The following CNTNAP2 variants were observed in gnomAD, a reference collection of about 807,000 sequenced individuals.
CNTNAP2 encodes contactin associated protein 2, also known as contactin-associated protein-like 2.
A neutral mutation model predicts 155.2 loss-of-function variants in CNTNAP2; 98 were observed. The observed-to-expected ratio is 0.63, with a 90% CI of 0.54 to 0.75. The LOEUF is 0.75. Among genes scored for constraint, CNTNAP2 ranks in the 30% least tolerant of loss-of-function variants. The pLI is 0.00. For synonymous variants in CNTNAP2, 651 were observed against 631.2 expected, an observed-to-expected ratio of 1.03 and a Z score of -0.47; for missense variants, 1,727 against 1,688.1, an observed-to-expected ratio of 1.02 and a Z score of -0.40.
At chr7:146,840,581 A>G (rs917215067) in intron 3 of CNTNAP2, among the ~76,000 whole-genome samples, 1 of 152,124 alleles carries the variant, frequency 6.6e-6, no homozygotes, top group Non-Finnish European at 1.5e-5. Context: ...ATCAATATTA[A>G]ACCAGAAGAA....
chr7:147,970,587 C>T (rs1801315795), intron 14 of CNTNAP2, among the ~76,000 whole-genome samples: 1 of 152,036 alleles, frequency 6.6e-6, no homozygotes, highest in Admixed American at 6.6e-5. Context: ...AAAAGAGATA[C>T]AAAGATTTAG....
At chr7:147,183,562 A>AGTGTGT (rs112187548) in intron 8 of CNTNAP2, among the ~76,000 whole-genome samples, 10,895 of 151,326 alleles carry the variant, frequency 0.072, 465 homozygotes, top group Non-Finnish European at 0.1. Context: ...TTGTTAAATA[A>AGTGTGT]GTGTGTGTGT....
intron 21 of CNTNAP2, among the ~76,000 whole-genome samples, chr7:148,308,558 T>TTATTTAG (rs1563035437): frequency 0.026 from 366 of 13,958 alleles, 2 homozygotes; most frequent in African/African-American, 0.057. Flanking sequence ...TATGTATTTA[T>TTATTTAG]TTATTTATTT....
intron 8 of CNTNAP2, among the ~76,000 whole-genome samples, chr7:147,275,600 C>G (rs1374902421): frequency 6.6e-6 from 1 of 151,948 alleles, no homozygotes; most frequent in Non-Finnish European, 1.5e-5. Flanking sequence ...AAGATCATGT[C>G]ATCAGTGAAC....
At chr7:147,004,074 G>T (rs1798477944) in intron 3 of CNTNAP2, among the ~76,000 whole-genome samples, 1 of 151,562 alleles carries the variant, frequency 6.6e-6, no homozygotes, top group African/African-American at 2.4e-5. Flanking sequence ...TGTTAATTAG[G>T]TACAATAACA....
intron 15 of CNTNAP2, among the ~76,000 whole-genome samples, chr7:148,007,481 C>A (rs10224783): frequency 0.065 from 9,939 of 152,152 alleles, 735 homozygotes; most frequent in African/African-American, 0.18. Context: ...ATACTTCTGG[C>A]TGAAAATAAT....
intron 13 of CNTNAP2, among the ~76,000 whole-genome samples, chr7:147,654,162 C>G (rs1795490501): frequency 6.6e-6 from 1 of 152,136 alleles, no homozygotes; most frequent in Non-Finnish European, 1.5e-5. Flanking sequence ...GGTTATGCTA[C>G]ATAGGTCTCT....
At chr7:146,197,005 T>A (rs1403528788) in intron 1 of CNTNAP2, among the ~76,000 whole-genome samples, 1 of 152,162 alleles carries the variant, frequency 6.6e-6, no homozygotes, top group East Asian at 1.9e-4. Context: ...TGAATTTCAT[T>A]TATTTCCTCA....
intron 1 of CNTNAP2, among the ~76,000 whole-genome samples, chr7:146,155,463 C>T (rs924949242): frequency 4.0e-5 from 6 of 151,876 alleles, no homozygotes; most frequent in African/African-American, 4.8e-5. Flanking sequence ...CTATGTGTCC[C>T]GGCCAGTCAT....
chr7:148,101,639 C>A (rs1804103363), intron 15 of CNTNAP2, among the ~76,000 whole-genome samples: 1 of 152,098 alleles, frequency 6.6e-6, no homozygotes, highest in Non-Finnish European at 1.5e-5. Flanking sequence ...ATCTTCCAAT[C>A]TTAATTTTAG....
Position 148,070,216 on chromosome 7 carries a change from A to G in CNTNAP2, c.2384-47902A>G, listed in dbSNP as rs75133800. ...TGAAGATATTAAATGTAAATACAAC[A>G]AATACAAGGAAAAATAAAAACTGAC... On this transcript the variant is annotated intron_variant, in intron 15 of 23. Transcript: ENST00000361727. Among the ~76,000 whole-genome samples, 1,454 of 152,350 alleles carry G rather than the reference A, an allele frequency of 9.5e-3. 25 individuals carry two copies. The highest frequency in any genetic ancestry group is 0.032 in the African/African-American group (1,345 of 41,584).
At chr7:146,520,069 C>G (rs1183073631) in intron 1 of CNTNAP2, among the ~76,000 whole-genome samples, 5 of 151,384 alleles carry the variant, frequency 3.3e-5, no homozygotes, top group Non-Finnish European at 7.4e-5. Flanking sequence ...CCCACTTTCC[C>G]CAATAATTAG....
chr7:146,668,686 G>A (rs542527973), intron 1 of CNTNAP2, among the ~76,000 whole-genome samples: 1 of 151,630 alleles, frequency 6.6e-6, no homozygotes, highest in African/African-American at 2.4e-5. Flanking sequence ...ACTTATTATT[G>A]GTCTATTCAG....
intron 3 of CNTNAP2, among the ~76,000 whole-genome samples, chr7:147,016,124 C>T (rs759367988): frequency 4.2e-4 from 64 of 152,058 alleles, no homozygotes; most frequent in African/African-American, 1.2e-3. Flanking sequence ...GAAAGCTGTG[C>T]GACTTTTCAA....
At chr7:146,816,391 A>T (rs566264452) in intron 2 of CNTNAP2, among the ~76,000 whole-genome samples, 1 of 152,122 alleles carries the variant, frequency 6.6e-6, no homozygotes, top group African/African-American at 2.4e-5. Context: ...TTTTCATTTC[A>T]AGAACAAGAG....
chr7:147,615,434 A>AAAAAAAACTG (rs1444226242), intron 12 of CNTNAP2, among the ~76,000 whole-genome samples: 2 of 100,386 alleles, frequency 2.0e-5, no homozygotes, highest in Admixed American at 2.2e-4. Flanking sequence ...AACCTGTCTC[A>AAAAAAAACTG]AAAAAAACTG....
chr7:146,953,585 A>G (rs1797367189), intron 3 of CNTNAP2, among the ~76,000 whole-genome samples: 1 of 151,960 alleles, frequency 6.6e-6, no homozygotes, highest in Non-Finnish European at 1.5e-5. Context: ...ATAAAACAAT[A>G]CCTCTTGCAT....
chr7:147,036,132 A>T (rs1799147528), intron 3 of CNTNAP2, among the ~76,000 whole-genome samples: 1 of 152,180 alleles, frequency 6.6e-6, no homozygotes, highest in African/African-American at 2.4e-5. Context: ...CTGTTCTTTT[A>T]AAGTTTGTGA....
chr7:146,743,732 A>G (rs1456033554), intron 1 of CNTNAP2, among the ~76,000 whole-genome samples: 1 of 152,166 alleles, frequency 6.6e-6, no homozygotes, highest in Admixed American at 6.5e-5. Context: ...AGACCTGACA[A>G]TTTCAAACAC....
Sources: gnomAD v4.1 joint callset for allele counts (sites outside exome capture counted in the v4.1 genomes callset) on GRCh38, gnomAD v4.1.1 for gene constraint, MANE v1.5 for transcripts, NCBI Gene and HGNC (gene_info 2026-07-23, HGNC 2026-07-21) for gene names.